Variants in STOX2 observed in about 807,000 individuals in gnomAD.
STOX2 encodes storkhead-box protein 2.
STOX2 carries 28 observed loss-of-function variants against 60.9 expected under a neutral mutation model. The ratio of observed to expected loss-of-function variants is 0.46; its 90% confidence interval spans 0.34 to 0.63. STOX2 has a LOEUF of 0.63. STOX2 is among the 30% of genes least tolerant of loss of function. The pLI is 0.01. For synonymous variants in STOX2, 472 were observed against 463.9 expected, an observed-to-expected ratio of 1.02 and a Z score of -0.22; for missense variants, 1,024 against 1,187.7, an observed-to-expected ratio of 0.86 and a Z score of 2.03.
upstream of STOX2, among the ~76,000 whole-genome samples, chr4:183,905,162 G>C (rs56391093): frequency 0.015 from 2,302 of 152,348 alleles, 47 homozygotes; most frequent in Non-Finnish European, 0.018. Context: ...TAGCAGCAAC[G>C]TGGCTGGGCG....
At chr4:183,859,900 A>T (rs1740390917) in intron 1 of STOX2, among the ~76,000 whole-genome samples, 1 of 137,414 alleles carries the variant, frequency 7.3e-6, no homozygotes, top group Admixed American at 7.6e-5. Context: ...TGTTCATGTC[A>T]GTTGCGTTTA....
intron 1 of STOX2, among the ~76,000 whole-genome samples, chr4:183,969,934 T>C (rs1743690509): frequency 6.6e-6 from 1 of 152,072 alleles, no homozygotes; most frequent in Non-Finnish European, 1.5e-5. Context: ...GGTTGCAGGT[T>C]TTAGGTGTTA....
Position 183,803,031 on chromosome 4 carries a change from C to T in STOX2, c.364+4976C>T, listed in dbSNP as rs536859816. On this transcript the variant is annotated intron_variant, in intron 1 of 2. Transcript: ENST00000513034. Reference sequence around the variant, plus strand: ...CAGTTTCACATGGCTGGGGAAGCCTCACAATCATGGCAGAAGGCAAGGAGG... The same window carrying T: ...CAGTTTCACATGGCTGGGGAAGCCTTACAATCATGGCAGAAGGCAAGGAGG... Among the ~76,000 whole-genome samples the T allele has an allele frequency of 2.6e-4, 39 of 152,276 alleles. 1 individual carries two copies. In the South Asian group the frequency reaches 7.9e-3, roughly 31 times the overall value.
At chr4:183,805,139 T>C (rs903329402) in intron 1 of STOX2, among the ~76,000 whole-genome samples, 1 of 152,212 alleles carries the variant, frequency 6.6e-6, no homozygotes, top group East Asian at 1.9e-4. Context: ...ATTTTAAATG[T>C]CTTCAGTCTG....
At position 183,865,049 on chromosome 4, in the gene STOX2, C is replaced by T. The variant is rs1344456892; in HGVS notation, c.364+66994C>T. ...CCTGGGAACACCTTCCTGACCATCA[C>T]AATCCACAAAGAATCTCTCTTAGAG... On this transcript the variant is annotated intron_variant, in intron 1 of 2. Coordinates refer to the STOX2 transcript ENST00000513034. The surrounding 1 kb of genome is among the most constrained non-coding windows in gnomAD (Gnocchi z 4.1). Among the ~76,000 whole-genome samples, 1 of 152,206 alleles carries T rather than the reference C, an allele frequency of 6.6e-6. No individual in the cohort carries two copies. The highest frequency in any genetic ancestry group is 1.5e-5 in the Non-Finnish European group (1 of 68,040).
intron 1 of STOX2, among the ~76,000 whole-genome samples, chr4:183,917,644 C>T (rs1263586824): frequency 3.3e-5 from 5 of 152,338 alleles, no homozygotes; most frequent in African/African-American, 1.2e-4. Flanking sequence ...AACTTTTTAA[C>T]AGTGCTTTTA....
chr4:183,852,452 A>G (rs71638106), intron 1 of STOX2, among the ~76,000 whole-genome samples: 142 of 4,916 alleles, frequency 0.029, 11 homozygotes, highest in Non-Finnish European at 0.04. Flanking sequence ...AAAGGTTGAG[A>G]GAAACGATGA....
intron 1 of STOX2, among the ~76,000 whole-genome samples, chr4:183,922,407 C>A (rs1255212806): frequency 6.7e-6 from 1 of 149,814 alleles, no homozygotes; most frequent in Non-Finnish European, 1.5e-5. Flanking sequence ...AGTGCAGTGG[C>A]GTGATCTTGG....
intron 1 of STOX2, among the ~76,000 whole-genome samples, chr4:183,892,766 G>GT (rs200350858): frequency 0.046 from 6,950 of 151,956 alleles, 250 homozygotes; most frequent in Non-Finnish European, 0.066. Context: ...CTCCGAGGCA[G>GT]TTTTTTTTCA....
At chr4:183,911,911 G>T (rs923469498) in intron 1 of STOX2, among the ~76,000 whole-genome samples, 16 of 152,186 alleles carry the variant, frequency 1.1e-4, no homozygotes, top group African/African-American at 3.6e-4. Context: ...CTTCTAGTTT[G>T]TGAGAGTATA....
Position 183,993,965 on chromosome 4 carries a change from A to G in STOX2, c.167-7360A>G, listed in dbSNP as rs942393934. Among the ~76,000 whole-genome samples the G allele has an allele frequency of 2.0e-5, 3 of 152,346 alleles. No individual in the cohort carries two copies. In the East Asian group the frequency reaches 5.8e-4, roughly 29 times the overall value. On this transcript the variant is annotated intron_variant, in intron 1 of 3. Transcript: ENST00000308497. ...TTTTTTTAGAACAGCTTTTTAAAAA[A>G]TACTGTAGTAGGCCTTCTGTTAAAA...
In STOX2 at chr4:183,976,648, C is replaced by T. The variant is rs945774711; in HGVS notation, c.167-24677C>T. On this transcript the variant is annotated intron_variant, in intron 1 of 3. Transcript: ENST00000308497. Reference sequence around the variant, plus strand: ...ATGACAGGATCACTCATACCCCAAACCTCAGTGGCATGCAATATACCCATG... The same window carrying T: ...ATGACAGGATCACTCATACCCCAAATCTCAGTGGCATGCAATATACCCATG... Among the ~76,000 whole-genome samples, 2 of 152,122 alleles carry T rather than the reference C, an allele frequency of 1.3e-5. 1 individual carries two copies. Among genetic ancestry groups the T allele is most frequent in the Admixed American group, 1.3e-4 (2 of 15,258 alleles).
chr4:184,007,759 G>T (rs1308887738), intron 2 of STOX2, among the ~76,000 whole-genome samples: 1 of 152,174 alleles, frequency 6.6e-6, no homozygotes, highest in Non-Finnish European at 1.5e-5. Flanking sequence ...CTTACGGATG[G>T]CCACCTTCTG....
chr4:183,958,602 A>T (rs1743325154), intron 1 of STOX2, among the ~76,000 whole-genome samples: 2 of 151,804 alleles, frequency 1.3e-5, no homozygotes, highest in Non-Finnish European at 2.9e-5. Context: ...ACCTACTGTC[A>T]TTTTGGTGAG....
At chr4:183,936,813 G>A (rs1053991345) in intron 1 of STOX2, among the ~76,000 whole-genome samples, 1 of 152,162 alleles carries the variant, frequency 6.6e-6, no homozygotes, top group East Asian at 1.9e-4. Context: ...AGTACTATCT[G>A]TTGTAACCAC....
At chr4:183,835,296 T>A (rs1182956255) in intron 1 of STOX2, among the ~76,000 whole-genome samples, 2 of 151,372 alleles carry the variant, frequency 1.3e-5, no homozygotes, top group Non-Finnish European at 2.9e-5. Flanking sequence ...GCAATCTCAG[T>A]GCACTGCAAG....
At chr4:183,915,936 C>G (rs567413839) in intron 1 of STOX2, among the ~76,000 whole-genome samples, 1 of 152,392 alleles carries the variant, frequency 6.6e-6, no homozygotes, top group South Asian at 2.1e-4. Context: ...CCACAGGACA[C>G]TAGTCCGCCA....
intron 1 of STOX2, among the ~76,000 whole-genome samples, chr4:183,958,341 C>T (rs970367145): frequency 1.3e-5 from 2 of 152,058 alleles, no homozygotes; most frequent in Admixed American, 1.3e-4. Context: ...TGTCTCCTCT[C>T]ATGATTAATT....
chr4:183,974,531 C>T (rs746046915), intron 1 of STOX2, among the ~76,000 whole-genome samples: 3 of 151,538 alleles, frequency 2.0e-5, no homozygotes, highest in Non-Finnish European at 2.9e-5. Flanking sequence ...AAGTGATATA[C>T]ACTAATCATA....
Sources: gnomAD v4.1 joint callset for allele counts (sites outside exome capture counted in the v4.1 genomes callset) on GRCh38, gnomAD v4.1.1 for gene constraint, Gnocchi (gnomAD v3.1) non-coding constraint, MANE v1.5 for transcripts, NCBI Gene and HGNC (gene_info 2026-07-23, HGNC 2026-07-21) for gene names.